Variants in RGL1 observed in about 807,000 individuals in gnomAD.
RGL1 encodes the protein ral guanine nucleotide dissociation stimulator like 1, also known as ral guanine nucleotide dissociation stimulator-like 1.
A neutral mutation model predicts 95.2 loss-of-function variants in RGL1; 24 were observed. The observed-to-expected ratio is 0.25, with a 90% confidence interval of 0.18 to 0.35. RGL1 has a LOEUF of 0.35. Among genes scored for constraint, RGL1 ranks in the 10% least tolerant of loss-of-function variants. RGL1 has a pLI of 1.00. For synonymous variants in RGL1, 329 were observed against 344.9 expected, an observed-to-expected ratio of 0.95 and a Z score of 0.51; for missense variants, 715 against 936.3, an observed-to-expected ratio of 0.76 and a Z score of 3.08.
intron 7 of RGL1, among the ~76,000 whole-genome samples, chr1:183,887,068 T>C (rs1667148303): frequency 6.6e-6 from 1 of 151,866 alleles, no homozygotes; most frequent in Non-Finnish European, 1.5e-5. Flanking sequence ...TTTTAGAATA[T>C]AACTTTTGTG....
chr1:183,709,375 T>A (rs1655123446), intron 1 of RGL1: 1 of 152,304 alleles, frequency 6.6e-6, no homozygotes. Context: ...TGTTGGTTCC[T>A]CAGGGCAGGG....
At chr1:183,890,656 G>A (rs1429107667) in intron 8 of RGL1, among the ~76,000 whole-genome samples, 4 of 152,096 alleles carry the variant, frequency 2.6e-5, no homozygotes, top group Admixed American at 2.6e-4. Flanking sequence ...ACTGATACAT[G>A]GTGTAACATG....
chr1:183,703,687 C>A (rs2102150146), intron 1 of RGL1, among the ~76,000 whole-genome samples: 1 of 152,310 alleles, frequency 6.6e-6, no homozygotes, highest in South Asian at 2.1e-4. Flanking sequence ...GGAGAAAGTA[C>A]AGACAAAGAC....
At chr1:183,892,204 T>A in intron 9 of RGL1, 43 bp downstream of exon 9, 1 of 1,370,110 alleles carries the variant, frequency 7.3e-7, no homozygotes, top group Non-Finnish European at 1.0e-6. Flanking sequence ...TGTTAATAGC[T>A]CTGGAATCCA....
intron 2 of RGL1, among the ~76,000 whole-genome samples, chr1:183,755,749 A>G (rs986603664): frequency 6.6e-6 from 1 of 152,226 alleles, no homozygotes; most frequent in Non-Finnish European, 1.5e-5. Context: ...AGTCATTGCC[A>G]TACAGTGTGC....
At chr1:183,737,853 C>G (rs961493857) in intron 1 of RGL1, among the ~76,000 whole-genome samples, 15 of 151,834 alleles carry the variant, frequency 9.9e-5, no homozygotes, top group Admixed American at 5.2e-4. Flanking sequence ...CTTTTTTCAC[C>G]CCACTCCCAA....
chr1:183,800,538 C>T (rs1282657306), upstream of RGL1, among the ~76,000 whole-genome samples: 1 of 152,168 alleles, frequency 6.6e-6, no homozygotes, highest in Non-Finnish European at 1.5e-5. Context: ...AGATCTTCCC[C>T]TATTTAGCAG....
At chr1:183,774,829 CT>C (rs1370815876) in intron 2 of RGL1, among the ~76,000 whole-genome samples, 2 of 152,098 alleles carry the variant, frequency 1.3e-5, no homozygotes, top group Non-Finnish European at 2.9e-5. Flanking sequence ...CCGCCTCAGG[CT>C]CCCAAAGTAC....
At chr1:183,657,640 A>G (rs1414919047) in intron 1 of RGL1, among the ~76,000 whole-genome samples, 7 of 151,880 alleles carry the variant, frequency 4.6e-5, no homozygotes, top group Non-Finnish European at 8.8e-5. Flanking sequence ...TTATGGCTGC[A>G]TAGTATTCCA....
rs973315173 is a variant in RGL1 at position 183,920,389 on chromosome 1, C to T, written c.2005-1833C>T. On this transcript the variant is annotated intron_variant, in intron 16 of 17. Coordinates refer to ENST00000360851, the MANE Select transcript of RGL1 (RefSeq NM_001297671.3). ...AACTTAAAATGAAATATGTGGCTCACATTCGATACCTATGAGTGCTAATTC... is the reference window on the plus strand; with the variant it reads ...AACTTAAAATGAAATATGTGGCTCATATTCGATACCTATGAGTGCTAATTC... 3.9e-5 allele frequency among the ~76,000 whole-genome samples: 6 copies of T among 152,222 alleles called. No individual in the cohort carries two copies. The East Asian group carries it at 9.6e-4, about 24-fold the overall frequency.
intron 1 of RGL1, among the ~76,000 whole-genome samples, chr1:183,695,239 C>T (rs566519225): frequency 1.3e-5 from 2 of 152,254 alleles, no homozygotes; most frequent in Admixed American, 1.3e-4. Context: ...ATTATATTTC[C>T]ACCTTCTATT....
At chr1:183,916,060 A>G (rs1286458757) in intron 15 of RGL1, among the ~76,000 whole-genome samples, 2 of 152,238 alleles carry the variant, frequency 1.3e-5, no homozygotes, top group Admixed American at 6.5e-5. Context: ...TGACTGCAGT[A>G]GGACTGAATC....
At chr1:183,683,201 A>T (rs1653344008) in intron 1 of RGL1, among the ~76,000 whole-genome samples, 1 of 152,184 alleles carries the variant, frequency 6.6e-6, no homozygotes, top group Non-Finnish European at 1.5e-5. Flanking sequence ...TGTGAATTTG[A>T]TTCTGTCATA....
intron 1 of RGL1, among the ~76,000 whole-genome samples, chr1:183,738,535 G>A (rs1657088970): frequency 6.6e-6 from 1 of 152,210 alleles, no homozygotes; most frequent in South Asian, 2.1e-4. Flanking sequence ...ACAAAAAAAT[G>A]ACTCTGTCAC....
intron 2 of RGL1, among the ~76,000 whole-genome samples, chr1:183,761,510 T>C (rs1438451911): frequency 1.3e-5 from 2 of 152,208 alleles, no homozygotes; most frequent in Non-Finnish European, 2.9e-5. Context: ...ATGCTGTAAA[T>C]AGATGTGCTA....
chr1:183,884,216 C>T (rs561281702), intron 6 of RGL1, among the ~76,000 whole-genome samples: 1 of 152,346 alleles, frequency 6.6e-6, no homozygotes, highest in South Asian at 2.1e-4. Context: ...TCTCCCTTTA[C>T]ACTCATAAAT....
intron 3 of RGL1, among the ~76,000 whole-genome samples, chr1:183,855,262 G>A (rs897560806): frequency 3.0e-4 from 46 of 152,130 alleles, no homozygotes; most frequent in Non-Finnish European, 5.9e-4. Flanking sequence ...CTGAATGTGC[G>A]TTTTTAATGA....
intron 2 of RGL1, among the ~76,000 whole-genome samples, chr1:183,762,098 T>G (rs1658697201): frequency 6.6e-6 from 1 of 152,246 alleles, no homozygotes; most frequent in Admixed American, 6.5e-5. Flanking sequence ...TAAGGCTGTT[T>G]TGCTTTATCA....
At chr1:183,669,665 AG>A (rs1028654932) in intron 1 of RGL1, among the ~76,000 whole-genome samples, 1 of 152,212 alleles carries the variant, frequency 6.6e-6, no homozygotes, top group African/African-American at 2.4e-5. Context: ...TGTAGGAAGA[AG>A]GGGAAGTGTA....
Sources: allele counts gnomAD v4.1 joint callset (sites outside exome capture counted in the v4.1 genomes callset), GRCh38; gene constraint gnomAD v4.1.1; transcripts MANE v1.5; gene names NCBI Gene and HGNC (gene_info 2026-07-23, HGNC 2026-07-21).